Variants in CHRM5 observed in about 807,000 individuals in gnomAD.
CHRM5 encodes muscarinic acetylcholine receptor M5.
A neutral mutation model predicts 39.0 loss-of-function variants in CHRM5; 18 were observed. That is an observed-to-expected ratio of 0.46 (90% CI 0.32 to 0.68). The LOEUF is 0.68. CHRM5 is among the 30% of genes least tolerant of loss of function. CHRM5 has a pLI of 0.04. For missense variants in CHRM5, 515 were observed against 651.1 expected, an observed-to-expected ratio of 0.79 and a Z score of 2.28; for synonymous variants, 241 against 246.3, an observed-to-expected ratio of 0.98 and a Z score of 0.20.
At chr15:33,992,246 T>C (rs757026576) in intron 1 of CHRM5, among the ~76,000 whole-genome samples, 98 of 152,146 alleles carry the variant, frequency 6.4e-4, no homozygotes, top group Non-Finnish European at 1.0e-3. Flanking sequence ...AACAGTTAGC[T>C]GGGCGTGGTG....
intron 2 of CHRM5, among the ~76,000 whole-genome samples, chr15:34,054,409 CA>C (rs547496293): frequency 6.3e-4 from 96 of 152,162 alleles, no homozygotes; most frequent in African/African-American, 2.2e-3. Flanking sequence ...TCCACAATAG[CA>C]AAGACATAGA....
chr15:34,014,788 G>T (rs1012281778), intron 1 of CHRM5, among the ~76,000 whole-genome samples: 9 of 152,186 alleles, frequency 5.9e-5, no homozygotes, highest in African/African-American at 2.2e-4. Flanking sequence ...AAGGCTGAAG[G>T]AGCTGAGAAT....
intron 1 of CHRM5, among the ~76,000 whole-genome samples, chr15:34,020,548 C>T (rs1248021809): frequency 6.6e-6 from 1 of 152,214 alleles, no homozygotes; most frequent in African/African-American, 2.4e-5. Flanking sequence ...AGAACATCCC[C>T]TCTTCTCACA....
At chr15:34,059,418 T>C (rs1900263576) in intron 2 of CHRM5, among the ~76,000 whole-genome samples, 1 of 152,232 alleles carries the variant, frequency 6.6e-6, no homozygotes, top group Non-Finnish European at 1.5e-5. Context: ...ATCATTTTAC[T>C]ACTTCTCTCC....
chr15:34,021,897 A>G (rs553143353), intron 1 of CHRM5, among the ~76,000 whole-genome samples: 151 of 152,312 alleles, frequency 9.9e-4, no homozygotes, highest in Non-Finnish European at 2.0e-3. Flanking sequence ...GCACTTCCAC[A>G]TGGCAACATT....
intron 1 of CHRM5, among the ~76,000 whole-genome samples, chr15:33,969,403 TTTTG>T (rs1895530421): frequency 6.6e-6 from 1 of 151,952 alleles, no homozygotes; most frequent in Non-Finnish European, 1.5e-5. Flanking sequence ...TTTATCCCAA[TTTTG>T]TTTTATTTAA....
intron 2 of CHRM5, among the ~76,000 whole-genome samples, chr15:34,053,318 AAATATAT>A: frequency 9.8e-6 from 1 of 101,972 alleles, no homozygotes; most frequent in African/African-American, 3.6e-5. Context: ...AAAAAAAAAA[AAATATAT>A]ATATATATAT....
rs769849459 is a variant in CHRM5 at position 34,003,224 on chromosome 15, G to T, written c.-408+34074G>T. On this transcript the variant is annotated intron_variant, in intron 1 of 2. Transcript: ENST00000383263. ...TCATCTTCAACCTGCAATCATTAGA[G>T]ACAAATCAATAAGTAAGCAGTGGAA... 50 of 1,611,674 alleles carry T rather than the reference G, an allele frequency of 3.1e-5. No homozygotes were observed. Among genetic ancestry groups the T allele is most frequent in the Middle Eastern group, 1.6e-4 (1 of 6,074 alleles).
intron 1 of CHRM5, among the ~76,000 whole-genome samples, chr15:33,985,076 G>A (rs517078): frequency 0.47 from 72,156 of 151,934 alleles, 20,705 homozygotes; most frequent in Non-Finnish European, 0.64. Flanking sequence ...ACACTGAACT[G>A]TATTTGTTGG....
rs775338128 is a variant in CHRM5 at position 34,063,742 on chromosome 15, C to A, written c.1025C>A (p.Thr342Asn). 6.2e-7 allele frequency: 1 copy of A among 1,614,188 alleles called. No individual in the cohort carries two copies. Among genetic ancestry groups the A allele is most frequent in the South Asian group, 1.1e-5 (1 of 91,078 alleles). The change falls in exon 3 of 3, where the codon ACT becomes AAT. Residue 342 changes from threonine (T) to asparagine (N), a missense_variant. Transcript: ENST00000383263. The surrounding 1 kb of genome is among the most constrained non-coding windows in gnomAD (Gnocchi z 4.1). ...SPGEEFSAEE[T>N]EETFVKAETE... ...GGGGAAGAATTCAGTGCTGAAGAGA[C>A]TGAGGAAACTTTTGTGAAAGCTGAA... is the stretch of plus-strand genomic sequence containing the variant.
rs1261270650 is a variant in CHRM5, at chr15:33,986,106, T to G, written c.-408+16956T>G. Among the ~76,000 whole-genome samples the G allele has an allele frequency of 4.0e-5, 6 of 150,746 alleles. No individual in the cohort carries two copies. In the East Asian group the frequency reaches 9.8e-4, roughly 25 times the overall value. On this transcript the variant is annotated intron_variant, in intron 1 of 2. Transcript: ENST00000383263. ...TTTCACTGTAAATTTTTTTTTTTGT[T>G]TTTTGTTTTTTGTTTTTTGAGATGG...
At position 34,036,908 on chromosome 15, in the gene CHRM5, G is replaced by C. The variant is rs1285652384; in HGVS notation, c.-407-9632G>C. 2.6e-5 allele frequency among the ~76,000 whole-genome samples: 4 copies of C among 151,990 alleles called. No homozygotes were observed. In the South Asian group the frequency reaches 6.2e-4, roughly 24 times the overall value. On this transcript the variant is annotated intron_variant, in intron 1 of 2. Coordinates refer to ENST00000383263, the MANE Select transcript of CHRM5 (RefSeq NM_012125.4). Reference sequence around the variant, plus strand: ...GTGGATCACCTGAGGTCAGGAGTTCGAGACCAGCCTGACCAACATGGTGAA... The same window carrying C: ...GTGGATCACCTGAGGTCAGGAGTTCCAGACCAGCCTGACCAACATGGTGAA...
At chr15:34,009,333 GA>G (rs1187602726) in intron 1 of CHRM5, among the ~76,000 whole-genome samples, 1 of 152,072 alleles carries the variant, frequency 6.6e-6, no homozygotes, top group African/African-American at 2.4e-5. Context: ...AAATCCACAT[GA>G]AAAAACCAGT....
intron 1 of CHRM5, among the ~76,000 whole-genome samples, chr15:33,984,019 G>T (rs1896311111): frequency 6.6e-6 from 1 of 151,724 alleles, no homozygotes; most frequent in South Asian, 2.1e-4. Flanking sequence ...AAAAGACTGA[G>T]AAACTGTCAC....
In CHRM5 at chr15:33,996,845, TG is replaced by T. The variant is rs557204462; in HGVS notation, c.-408+27697del. Among the ~76,000 whole-genome samples, 26 of 152,294 alleles carry T rather than the reference TG, an allele frequency of 1.7e-4. No individual in the cohort carries two copies. In the Middle Eastern group the frequency reaches 0.014, roughly 80 times the overall value. ...TCGCTAGCAAGAGAACAAAGCTGGA[TG>T]GAGAATGACTTTGATGAGCTGACAG... On this transcript the variant is annotated intron_variant, in intron 1 of 2. Coordinates refer to ENST00000383263, the MANE Select transcript of CHRM5 (RefSeq NM_012125.4).
intron 1 of CHRM5, among the ~76,000 whole-genome samples, chr15:34,001,715 C>CAAGCG (rs3028026): frequency 6.6e-6 from 1 of 151,954 alleles, no homozygotes; most frequent in Admixed American, 6.5e-5. Flanking sequence ...ACGGTAATGA[C>CAAGCG]GAATCCTGTG....
At chr15:33,969,237 T>C (rs888716583) in intron 1 of CHRM5, 87 bp downstream of exon 1, 10 of 152,116 alleles carry the variant, frequency 6.6e-5, no homozygotes, top group African/African-American at 2.4e-4. Flanking sequence ...TGGATTTGAA[T>C]TTCTTGCAAC....
At chr15:34,060,085 C>T (rs1311635797) in intron 2 of CHRM5, among the ~76,000 whole-genome samples, 1 of 152,202 alleles carries the variant, frequency 6.6e-6, no homozygotes, top group Non-Finnish European at 1.5e-5. Context: ...TCTGTGATGG[C>T]ATTTGCCTAG....
rs56292235 is a variant in CHRM5 at position 33,974,377 on chromosome 15, A to G, written c.-408+5227A>G. On this transcript the variant is annotated intron_variant, in intron 1 of 2. Transcript: ENST00000383263. Reference sequence around the variant, plus strand: ...CTCTCTGTGAGGAATGAATCTTTGCAAGTTACCTATGTTATATCTCCCCAA... The same window carrying G: ...CTCTCTGTGAGGAATGAATCTTTGCGAGTTACCTATGTTATATCTCCCCAA... Among the ~76,000 whole-genome samples, 1,165 of 152,252 alleles carry G rather than the reference A, an allele frequency of 7.7e-3. 18 individuals are homozygous for G. Among genetic ancestry groups the G allele is most frequent in the African/African-American group, 0.027 (1,128 of 41,534 alleles).
Sources: gnomAD v4.1 joint callset for allele counts (sites outside exome capture counted in the v4.1 genomes callset) on GRCh38, gnomAD v4.1.1 for gene constraint, Gnocchi (gnomAD v3.1) non-coding constraint, MANE v1.5 for transcripts, NCBI Gene and HGNC (gene_info 2026-07-23, HGNC 2026-07-21) for gene names.